The following FAM13A variants were observed in gnomAD, a reference collection of about 807,000 sequenced individuals.
FAM13A encodes the protein protein FAM13A.
In FAM13A, 76 loss-of-function variants were observed where a neutral mutation model predicts 129.6. The ratio of observed to expected loss-of-function variants is 0.59; its 90% CI spans 0.49 to 0.71. FAM13A has a LOEUF of 0.71. Ranked by LOEUF, FAM13A falls within the 30% of genes least tolerant of loss-of-function variation. FAM13A has a pLI of 0.00. For missense variants in FAM13A, 1,108 were observed against 1,249.3 expected, an observed-to-expected ratio of 0.89 and a Z score of 1.70; for synonymous variants, 443 against 449.9, an observed-to-expected ratio of 0.98 and a Z score of 0.20.
chr4:88,742,532 G>A (rs139669788), intron 19 of FAM13A, among the ~76,000 whole-genome samples: 30 of 152,176 alleles, frequency 2.0e-4, no homozygotes, highest in Middle Eastern at 3.4e-3. Context: ...TAAGAATAAC[G>A]ACCTGATTTT....
At chr4:88,762,743 CT>C (rs1745041986) in intron 13 of FAM13A, among the ~76,000 whole-genome samples, 1 of 151,960 alleles carries the variant, frequency 6.6e-6, no homozygotes, top group Non-Finnish European at 1.5e-5. Context: ...TCTAACAGGG[CT>C]CTTCATATAG....
intron 3 of FAM13A, among the ~76,000 whole-genome samples, chr4:88,997,128 G>A (rs1326837011): frequency 1.3e-5 from 2 of 152,162 alleles, no homozygotes; most frequent in Non-Finnish European, 2.9e-5. Context: ...CTCAGAAACA[G>A]AAGTGAAATG....
intron 3 of FAM13A, among the ~76,000 whole-genome samples, chr4:88,996,075 C>A (rs895207178): frequency 6.6e-6 from 1 of 152,128 alleles, no homozygotes; most frequent in Non-Finnish European, 1.5e-5. Context: ...ACAGCACACG[C>A]AAAGGGCCTG....
chr4:88,854,372 G>C (rs1445668629), intron 6 of FAM13A, among the ~76,000 whole-genome samples: 1 of 152,176 alleles, frequency 6.6e-6, no homozygotes, highest in Non-Finnish European at 1.5e-5. Context: ...AATAAATGGA[G>C]TGAATGTGCT....
intron 4 of FAM13A, 137 bp downstream of exon 4, chr4:88,990,833 CAAG>C (rs1448191030): frequency 8.6e-6 from 5 of 583,456 alleles, no homozygotes; most frequent in Non-Finnish European, 1.5e-5. Context: ...CTAACATGCC[CAAG>C]AACAAGATAC....
At position 88,930,642 on chromosome 4, in the gene FAM13A, T is replaced by C. The variant is rs998721537; in HGVS notation, c.759+7446A>G. On this transcript the variant is annotated intron_variant, in intron 5 of 23. Transcript: ENST00000264344. ...TTACTTTAGCTTGCTGCAGCATTAG[T>C]GGGTCCTGGAGGGCTGATTCTTGGG... Among the ~76,000 whole-genome samples, 6 of 152,238 alleles carry C rather than the reference T, an allele frequency of 3.9e-5. No individual in the cohort carries two copies. In the East Asian group the frequency reaches 9.7e-4, roughly 25 times the overall value.
intron 7 of FAM13A, among the ~76,000 whole-genome samples, chr4:88,842,350 A>G (rs1358173475): frequency 6.6e-6 from 1 of 152,258 alleles, no homozygotes; most frequent in Non-Finnish European, 1.5e-5. Flanking sequence ...GTTGTAATGT[A>G]GCTCAGATAT....
chr4:88,886,907 C>CA (rs35715502), intron 6 of FAM13A, among the ~76,000 whole-genome samples: 77,974 of 145,016 alleles, frequency 0.54, 20,633 homozygotes, highest in Middle Eastern at 0.64. Context: ...AACTCTATCT[C>CA]AAAAAAAAAA....
chr4:88,732,814 C>T lies in FAM13A; in HGVS notation c.2647-616G>A, dbSNP rs1738133434. Among the ~76,000 whole-genome samples the T allele has an allele frequency of 2.0e-5, 3 of 151,254 alleles. No homozygotes were observed. The South Asian group carries it at 6.3e-4, about 32-fold the overall frequency. On this transcript the variant is annotated intron_variant, in intron 21 of 23. Coordinates refer to ENST00000264344, the MANE Select transcript of FAM13A (RefSeq NM_014883.4). ...AAACTCAAGCTTTTCCAAAGAACTT[C>T]CAAGGGCCACATCTGTATTTTTTGG... is the stretch of plus-strand genomic sequence containing the variant.
chr4:88,874,878 T>C (rs1742108352), intron 6 of FAM13A, among the ~76,000 whole-genome samples: 1 of 151,564 alleles, frequency 6.6e-6, no homozygotes, highest in African/African-American at 2.4e-5. Context: ...TCACGCTACC[T>C]GACTTCAAAC....
At chr4:88,790,689 C>T (rs777601233) in intron 8 of FAM13A, 62 bp from the exon 9 acceptor site, 8 of 1,442,532 alleles carry the variant, frequency 5.5e-6, no homozygotes, top group Middle Eastern at 1.8e-4. Flanking sequence ...ATGAACCAAA[C>T]ATGTGAAGTG....
chr4:88,870,726 G>A (rs899654257), intron 6 of FAM13A, among the ~76,000 whole-genome samples: 1 of 152,204 alleles, frequency 6.6e-6, no homozygotes, highest in African/African-American at 2.4e-5. Flanking sequence ...AGAAACTTCT[G>A]CAGACTTAAA....
intron 6 of FAM13A, among the ~76,000 whole-genome samples, chr4:88,900,797 A>G (rs1747172484): frequency 6.6e-6 from 1 of 152,136 alleles, no homozygotes; most frequent in African/African-American, 2.4e-5. Context: ...ACACATAACA[A>G]TGCTAACTTT....
chr4:88,898,185 A>C (rs1746665739), intron 6 of FAM13A, among the ~76,000 whole-genome samples: 1 of 152,198 alleles, frequency 6.6e-6, no homozygotes. Flanking sequence ...TTAGGAAATG[A>C]TTCATTTAAG....
chr4:88,816,184 A>G (rs980820957), intron 7 of FAM13A, among the ~76,000 whole-genome samples: 5 of 152,104 alleles, frequency 3.3e-5, no homozygotes, highest in African/African-American at 1.2e-4. Flanking sequence ...CTTAAACTGC[A>G]TTAATGAATA....
Position 88,731,433 on chromosome 4 carries a change from G to C in FAM13A, c.2844-5C>G, listed in dbSNP as rs759856452. On this transcript the variant is annotated splice_polypyrimidine_tract_variant and splice_region_variant and intron_variant, in intron 22 of 23. Transcript: ENST00000264344. ...AGGTGTTCCAGGAGTTCAGGTCTAA[G>C]AGAGAGGAAGCATTGCAAGGAAATT... 6.6e-7 allele frequency: 1 copy of C among 1,521,912 alleles called. No homozygotes were observed. The highest frequency in any genetic ancestry group is 9.0e-7 in the Non-Finnish European group (1 of 1,115,370). The allele number at this position is 1,521,912 out of a possible 1,614,324, so 94.3% of individuals were successfully genotyped here. A position where few individuals can be genotyped will look rare whatever the true frequency, so the allele number is the denominator to read the frequency against.
At chr4:88,900,811 T>C (rs2150207085) in intron 6 of FAM13A, among the ~76,000 whole-genome samples, 1 of 152,232 alleles carries the variant, frequency 6.6e-6, no homozygotes, top group Middle Eastern at 3.4e-3. Flanking sequence ...TAACTTTAAA[T>C]GTAAATGGGC....
chr4:89,023,432 G>GT (rs1183532699), intron 2 of FAM13A, among the ~76,000 whole-genome samples: 270 of 143,060 alleles, frequency 1.9e-3, no homozygotes, highest in East Asian at 6.1e-3. Flanking sequence ...ACATGATGTT[G>GT]TTTTTTTTTT....
intron 5 of FAM13A, among the ~76,000 whole-genome samples, chr4:88,935,998 A>G (rs1384635418): frequency 6.6e-6 from 1 of 152,194 alleles, no homozygotes; most frequent in African/African-American, 2.4e-5. Flanking sequence ...GTTTCTAATC[A>G]TGACATTTAT....
Sources: allele counts gnomAD v4.1 joint callset (sites outside exome capture counted in the v4.1 genomes callset), GRCh38; gene constraint gnomAD v4.1.1; transcripts MANE v1.5; gene names NCBI Gene and HGNC (gene_info 2026-07-23, HGNC 2026-07-21).